Variants in DOCK3 observed in about 807,000 individuals in gnomAD.
The protein encoded by DOCK3 is dedicator of cytokinesis 3, also known as dedicator of cytokinesis protein 3.
A neutral mutation model predicts 265.6 loss-of-function variants in DOCK3; 60 were observed. The ratio of observed to expected loss-of-function variants is 0.23; its 90% CI spans 0.18 to 0.28. The LOEUF is 0.28. Ranked by LOEUF, DOCK3 falls within the 10% of genes least tolerant of loss-of-function variation. DOCK3 has a pLI of 1.00. For missense variants in DOCK3, 1,981 were observed against 2,594.3 expected, an observed-to-expected ratio of 0.76 and a Z score of 5.14; for synonymous variants, 881 against 938.0, an observed-to-expected ratio of 0.94 and a Z score of 1.11.
intron 2 of DOCK3, among the ~76,000 whole-genome samples, chr3:50,809,298 TA>T (rs2043604016): frequency 6.6e-6 from 1 of 152,178 alleles, no homozygotes; most frequent in Non-Finnish European, 1.5e-5. Flanking sequence ...ACACATATCC[TA>T]GTGGCTCAAA....
intron 12 of DOCK3, among the ~76,000 whole-genome samples, chr3:51,168,362 C>G (rs1437152372): frequency 1.3e-5 from 2 of 152,154 alleles, no homozygotes; most frequent in African/African-American, 4.8e-5. Flanking sequence ...CTGCAGTAAC[C>G]AAAACAGCAT....
chr3:51,183,195 T>C (rs1286076628), intron 12 of DOCK3, among the ~76,000 whole-genome samples: 1 of 152,246 alleles, frequency 6.6e-6, no homozygotes, highest in Non-Finnish European at 1.5e-5. Flanking sequence ...TCCTCTGATA[T>C]GAAATTAAAT....
intron 6 of DOCK3, among the ~76,000 whole-genome samples, chr3:51,067,456 T>TGTGTGCGC (rs1553750450): frequency 8.7e-5 from 13 of 150,232 alleles, no homozygotes; most frequent in African/African-American, 2.5e-4. Flanking sequence ...TGTGTGTGTG[T>TGTGTGCGC]GCGCGCGCGT....
intron 21 of DOCK3, among the ~76,000 whole-genome samples, chr3:51,244,344 G>A (rs1003157539): frequency 7.9e-5 from 12 of 151,766 alleles, no homozygotes; most frequent in Non-Finnish European, 5.9e-5. Context: ...AATATAAGAC[G>A]TATTTCCATT....
intron 4 of DOCK3, among the ~76,000 whole-genome samples, chr3:50,896,211 A>G (rs1289620038): frequency 2.0e-5 from 3 of 152,110 alleles, no homozygotes; most frequent in African/African-American, 7.2e-5. Context: ...GTGAGATGGT[A>G]TTTCATTGTG....
At chr3:51,157,929 C>T (rs1281772930) in intron 10 of DOCK3, among the ~76,000 whole-genome samples, 1 of 132,310 alleles carries the variant, frequency 7.6e-6, no homozygotes, top group East Asian at 2.2e-4. Context: ...CCTCAGCCTC[C>T]CGAGTAGCTG....
At chr3:50,923,089 C>T (rs2050583424) in intron 4 of DOCK3, among the ~76,000 whole-genome samples, 1 of 152,114 alleles carries the variant, frequency 6.6e-6, no homozygotes, top group Non-Finnish European at 1.5e-5. Context: ...CTGTGAATGC[C>T]ATCAATTCAT....
At chr3:50,703,616 A>G (rs1385005940) in intron 1 of DOCK3, among the ~76,000 whole-genome samples, 2 of 152,030 alleles carry the variant, frequency 1.3e-5, no homozygotes, top group African/African-American at 4.8e-5. Context: ...TTGTTAGCAT[A>G]TAGTTGTTCA....
At chr3:51,379,538 GC>G (rs1372859029) in intron 51 of DOCK3, 2 of 985,404 alleles carry the variant, frequency 2.0e-6, no homozygotes, top group Non-Finnish European at 2.4e-6. Flanking sequence ...GCGCATCCTG[GC>G]CCCCCCAGTG....
intron 5 of DOCK3, among the ~76,000 whole-genome samples, chr3:50,951,643 T>C (rs1280457877): frequency 1.3e-5 from 2 of 152,176 alleles, no homozygotes; most frequent in African/African-American, 4.8e-5. Flanking sequence ...TTTTCTTTCA[T>C]TTATAGTAGG....
At chr3:50,804,143 G>A (rs2043253617) in intron 2 of DOCK3, among the ~76,000 whole-genome samples, 2 of 151,306 alleles carry the variant, frequency 1.3e-5, no homozygotes, top group South Asian at 4.2e-4. Flanking sequence ...CAGATGATGG[G>A]GGGCGGGGTA....
chr3:51,067,080 A>G (rs1358233305), intron 6 of DOCK3, among the ~76,000 whole-genome samples: 1 of 152,204 alleles, frequency 6.6e-6, no homozygotes, highest in African/African-American at 2.4e-5. Context: ...TTTTAAGTCA[A>G]TGATAAGAAT....
chr3:51,248,725 C>G (rs561981272), intron 22 of DOCK3, among the ~76,000 whole-genome samples: 2 of 150,086 alleles, frequency 1.3e-5, no homozygotes, highest in Non-Finnish European at 3.0e-5. Flanking sequence ...TCCGCCCGGC[C>G]GCCATCCCAT....
intron 32 of DOCK3, among the ~76,000 whole-genome samples, chr3:51,325,161 T>C (rs1332241859): frequency 2.0e-5 from 3 of 151,814 alleles, no homozygotes; most frequent in Non-Finnish European, 4.4e-5. Context: ...ATTTTTGCAA[T>C]CTATCCATCT....
intron 14 of DOCK3, among the ~76,000 whole-genome samples, chr3:51,214,885 G>A (rs147897528): frequency 6.6e-6 from 1 of 152,220 alleles, no homozygotes; most frequent in Non-Finnish European, 1.5e-5. Context: ...TCAGGTTCTT[G>A]TTTTCTAATT....
At chr3:50,839,351 T>G (rs967431935) in intron 2 of DOCK3, among the ~76,000 whole-genome samples, 4 of 152,172 alleles carry the variant, frequency 2.6e-5, no homozygotes, top group African/African-American at 9.7e-5. Context: ...TGGGTAAATA[T>G]AAGGAATGGA....
intron 49 of DOCK3, among the ~76,000 whole-genome samples, chr3:51,364,083 A>T (rs2086947223): frequency 6.6e-6 from 1 of 152,246 alleles, no homozygotes; most frequent in African/African-American, 2.4e-5. Flanking sequence ...CAATGGTTGA[A>T]CTAGTTTACA....
intron 5 of DOCK3, among the ~76,000 whole-genome samples, chr3:50,936,260 A>C (rs2051354435): frequency 6.6e-6 from 1 of 152,120 alleles, no homozygotes; most frequent in East Asian, 1.9e-4. Flanking sequence ...AATACAAATA[A>C]TGGAGAGAAA....
chr3:51,193,079 C>T (rs1487077005), intron 12 of DOCK3, among the ~76,000 whole-genome samples: 1 of 152,082 alleles, frequency 6.6e-6, no homozygotes, highest in African/African-American at 2.4e-5. Context: ...TTATTATTTT[C>T]AGATATGCTC....
Sources: allele counts gnomAD v4.1 joint callset (sites outside exome capture counted in the v4.1 genomes callset), GRCh38; gene constraint gnomAD v4.1.1; transcripts MANE v1.5; gene names NCBI Gene and HGNC (gene_info 2026-07-23, HGNC 2026-07-21).